The following LRRC69 variants were observed in gnomAD, a reference collection of about 807,000 sequenced individuals.
The protein encoded by LRRC69 is leucine rich repeat containing 69.
Under a neutral mutation model 37.8 loss-of-function variants are expected in LRRC69, and 42 were observed. The observed-to-expected ratio is 1.11, with a 90% CI of 0.87 to 1.44. The LOEUF is 1.44. LRRC69 is among the 40% of genes most tolerant of loss of function. The pLI, the probability that LRRC69 is intolerant of heterozygous loss-of-function variation, is 0.00. For synonymous variants in LRRC69, 141 were observed against 143.1 expected (o/e 0.99, Z 0.11); for missense variants, 357 against 401.9 (o/e 0.89, Z 0.96).
At chr8:91,124,580 T>C in exon 2 of LRRC69, 2 of 1,541,988 alleles carry the variant, frequency 1.3e-6, no homozygotes, top group Non-Finnish European at 1.7e-6. Flanking sequence ...TCTCCATTTA[T>C]CTGGAAATAG....
chr8:91,135,738 G>T, exon 5 of LRRC69: 2 of 1,398,738 alleles, frequency 1.4e-6, no homozygotes, highest in South Asian at 1.6e-5. Context: ...TTTCCATCAG[G>T]AGTAAGTAGA....
At chr8:91,194,407 G>T (rs1415350688) in intron 6 of LRRC69, among the ~76,000 whole-genome samples, 1 of 151,868 alleles carries the variant, frequency 6.6e-6, no homozygotes, top group Non-Finnish European at 1.5e-5. Context: ...GATTGGAATA[G>T]TTTCAGAAGG....
intron 3 of LRRC69, among the ~76,000 whole-genome samples, chr8:91,128,700 G>A (rs1172131706): frequency 3.9e-5 from 6 of 152,010 alleles, no homozygotes; most frequent in Non-Finnish European, 8.8e-5. Flanking sequence ...AAAGGTATTA[G>A]GGTTGAGTAA....
At chr8:91,194,710 T>C (rs1435854235) in intron 6 of LRRC69, among the ~76,000 whole-genome samples, 1 of 152,208 alleles carries the variant, frequency 6.6e-6, no homozygotes, top group Non-Finnish European at 1.5e-5. Context: ...TTATCATTTT[T>C]TATTGCGTCT....
chr8:91,135,893 TTC>T (rs1302555226), intron 5 of LRRC69, among the ~76,000 whole-genome samples, 154 bp downstream of exon 5: 3 of 152,004 alleles, frequency 2.0e-5, no homozygotes, highest in Non-Finnish European at 2.9e-5. Context: ...TCAAAACCTG[TTC>T]TCTCCTGTTT....
chr8:91,105,665 A>AAG (rs1554588290), intron 1 of LRRC69, among the ~76,000 whole-genome samples: 1 of 151,404 alleles, frequency 6.6e-6, no homozygotes, highest in Non-Finnish European at 1.5e-5. Flanking sequence ...GTCTCAAAAA[A>AAG]AAAAAAAAAA....
intron 5 of LRRC69, among the ~76,000 whole-genome samples, chr8:91,140,545 T>C (rs1485929215): frequency 3.3e-5 from 5 of 151,954 alleles, no homozygotes; most frequent in Non-Finnish European, 7.3e-5. Context: ...AAATTCAATG[T>C]ATACTGCATA....
At chr8:91,219,173 A>G, downstream of LRRC69, 1 of 392,208 alleles carries the variant, frequency 2.5e-6, no homozygotes, top group Non-Finnish European at 4.5e-6. Flanking sequence ...ATCTGCCTTC[A>G]GCTTGCTTAG....
chr8:91,155,084 A>G lies in LRRC69; in HGVS notation c.651+19345A>G, dbSNP rs1387780696. ...AAGCATTCCTATACACCAACAGGAGACAAGCAGAGAGCCAAATCATGAATG... is the reference window on the plus strand; with the variant it reads ...AAGCATTCCTATACACCAACAGGAGGCAAGCAGAGAGCCAAATCATGAATG... On this transcript the variant is annotated intron_variant, in intron 5 of 7. Coordinates refer to ENST00000448384, the Ensembl canonical transcript of LRRC69. 3.3e-5 allele frequency among the ~76,000 whole-genome samples: 5 copies of G among 151,564 alleles called. No individual in the cohort carries two copies. The East Asian group carries it at 9.7e-4, about 29-fold the overall frequency.
At position 91,102,795 on chromosome 8, in the gene LRRC69, A is replaced by G. The variant is rs1338873743; in HGVS notation, c.134A>G (p.Gln45Arg). The G allele has an allele frequency of 2.6e-6, 4 of 1,551,634 alleles. No individual in the cohort carries two copies. Among genetic ancestry groups the G allele is most frequent in the East Asian group, 2.4e-5 (1 of 40,922 alleles). The change falls in exon 1 of 8, where the codon CAG (glutamine) becomes CGG (arginine). Residue 45 changes from glutamine to arginine, a missense_variant. Gln to Arg is a conservative substitution (Grantham distance 43). Transcript: ENST00000448384. ...CCTGGCCTGAAGACTCTAGTCCTTC[A>G]GAATAACCTAATCCCCAAAGTGTGT...
At chr8:91,116,899 A>G (rs945796841) in intron 1 of LRRC69, among the ~76,000 whole-genome samples, 1 of 152,022 alleles carries the variant, frequency 6.6e-6, no homozygotes. Context: ...AAATATCACT[A>G]TACATTGAAC....
chr8:91,206,654 C>G, intron 7 of LRRC69: 1 of 1,286,566 alleles, frequency 7.8e-7, no homozygotes, highest in Non-Finnish European at 1.0e-6. Context: ...TCAAAACCAT[C>G]TGATGTGCTG....
At chr8:91,204,077 G>A (rs1276393101) in intron 7 of LRRC69, among the ~76,000 whole-genome samples, 3 of 149,678 alleles carry the variant, frequency 2.0e-5, no homozygotes, top group East Asian at 2.0e-4. Flanking sequence ...AGCCGAGATC[G>A]TGCCACTGCA....
At chr8:91,205,614 G>C (rs1018108213) in intron 7 of LRRC69, 1 of 151,510 alleles carries the variant, frequency 6.6e-6, no homozygotes, top group African/African-American at 2.4e-5. Flanking sequence ...TTCTCACAAT[G>C]TCCTTTACCA....
exon 2 of LRRC69, chr8:91,124,559 T>G: frequency 1.9e-6 from 3 of 1,540,662 alleles, no homozygotes; most frequent in Non-Finnish European, 1.8e-6. Context: ...ATATCTTACA[T>G]CTCTGAAGAA....
chr8:91,218,179 C>T (rs1163618426), intron 7 of LRRC69, among the ~76,000 whole-genome samples: 2 of 152,100 alleles, frequency 1.3e-5, no homozygotes, highest in African/African-American at 4.8e-5. Flanking sequence ...AAATATTTCC[C>T]AGTTACCAGT....
chr8:91,150,535 T>C (rs990377826), intron 5 of LRRC69, among the ~76,000 whole-genome samples: 14 of 151,664 alleles, frequency 9.2e-5, no homozygotes, highest in Admixed American at 9.2e-4. Context: ...GGGATATTGG[T>C]CTAAAATTCT....
intron 6 of LRRC69, among the ~76,000 whole-genome samples, chr8:91,198,330 G>T (rs897803665): frequency 6.6e-6 from 1 of 152,062 alleles, no homozygotes; most frequent in South Asian, 2.1e-4. Context: ...GAAGTTAAGG[G>T]TTCATCCAAA....
chr8:91,195,674 T>G (rs1368849021), intron 6 of LRRC69, among the ~76,000 whole-genome samples: 2 of 152,206 alleles, frequency 1.3e-5, no homozygotes, highest in East Asian at 3.9e-4. Flanking sequence ...AACCCCTGCC[T>G]TTTTCTGTTT....
Sources: gnomAD v4.1 joint callset for allele counts (sites outside exome capture counted in the v4.1 genomes callset) on GRCh38, gnomAD v4.1.1 for gene constraint, MANE v1.5 for transcripts, NCBI Gene and HGNC (gene_info 2026-07-23, HGNC 2026-07-21) for gene names.